Variants in FADS2 observed in about 807,000 individuals in gnomAD.
The protein encoded by FADS2 is acyl-CoA 6-desaturase.
In FADS2, 18 loss-of-function variants were observed where a neutral mutation model predicts 61.2. That is an observed-to-expected ratio of 0.29 (90% confidence interval 0.20 to 0.44). The LOEUF is 0.44. Ranked by LOEUF, FADS2 falls within the 20% of genes least tolerant of loss-of-function variation. The pLI is 1.00. For synonymous variants in FADS2, 203 were observed against 223.9 expected, an observed-to-expected ratio of 0.91 and a Z score of 0.83; for missense variants, 322 against 572.7, an observed-to-expected ratio of 0.56 and a Z score of 4.47.
intron 1 of FADS2, chr11:61,817,302 G>T: frequency 4.5e-6 from 1 of 221,166 alleles, no homozygotes; most frequent in Non-Finnish European, 8.8e-6. Flanking sequence ...GTCTCCAGAC[G>T]CTGACCCTCC....
At chr11:61,847,846 GA>G (rs1338097494) in intron 4 of FADS2, 10 of 350,526 alleles carry the variant, frequency 2.9e-5, no homozygotes, top group African/African-American at 2.1e-4. Flanking sequence ...TGGTGACGGA[GA>G]GGCAGAGACT....
At chr11:61,853,284 C>CT (rs1273968991) in intron 5 of FADS2, among the ~76,000 whole-genome samples, 8,822 of 105,220 alleles carry the variant, frequency 0.084, 563 homozygotes, top group East Asian at 0.36. Context: ...CCTTCCCTCC[C>CT]TCCCTCCCTT....
intron 1 of FADS2, among the ~76,000 whole-genome samples, chr11:61,820,625 C>T (rs1011921229): frequency 3.3e-5 from 5 of 152,022 alleles, no homozygotes; most frequent in South Asian, 2.1e-4. Context: ...ATTGGCCGGG[C>T]GTGGCAGCTC....
intron 1 of FADS2, among the ~76,000 whole-genome samples, chr11:61,819,260 A>C (rs1452901610): frequency 6.6e-6 from 1 of 152,276 alleles, no homozygotes; most frequent in Non-Finnish European, 1.5e-5. Context: ...TTAGGAATAT[A>C]GCCTAAGGAA....
intron 10 of FADS2, among the ~76,000 whole-genome samples, chr11:61,864,944 G>A (rs1016466933): frequency 6.6e-6 from 1 of 152,030 alleles, no homozygotes; most frequent in Non-Finnish European, 1.5e-5. Context: ...GAGCACAAAC[G>A]CCCTCCTGCT....
chr11:61,858,500 T>C (rs891853860), intron 7 of FADS2, among the ~76,000 whole-genome samples: 14 of 152,140 alleles, frequency 9.2e-5, no homozygotes, highest in African/African-American at 3.4e-4. Context: ...TTTCTTTTTT[T>C]CTTCACCAAA....
chr11:61,862,943 G>T (rs1271311871), intron 7 of FADS2, 29 bp from the exon 8 acceptor site: 3 of 1,591,210 alleles, frequency 1.9e-6, no homozygotes, highest in South Asian at 2.2e-5. Flanking sequence ...GAGAGGGCAG[G>T]TTGCACCTAA....
At chr11:61,820,812 A>ACTCTG in intron 1 of FADS2, among the ~76,000 whole-genome samples, 1 of 152,188 alleles carries the variant, frequency 6.6e-6, no homozygotes, top group South Asian at 2.1e-4. Flanking sequence ...AGGCAGGAGA[A>ACTCTG]TCGCTTGAAC....
intron 2 of FADS2, among the ~76,000 whole-genome samples, chr11:61,838,201 A>G (rs534595176): frequency 6.6e-6 from 1 of 152,290 alleles, no homozygotes; most frequent in South Asian, 2.1e-4. Flanking sequence ...GAAAAATGTC[A>G]TTTGATGACA....
chr11:61,848,597 A>G (rs78791707), intron 5 of FADS2: 23,988 of 312,202 alleles, frequency 0.077, 1,878 homozygotes, highest in African/African-American at 0.24. Flanking sequence ...CTGTAAATAC[A>G]GACACAGCTC....
At chr11:61,840,799 C>A in intron 4 of FADS2, 74 bp downstream of exon 4, 2 of 1,135,952 alleles carry the variant, frequency 1.8e-6, no homozygotes, top group Non-Finnish European at 2.7e-6. Context: ...TTCCTCTCTG[C>A]TCAGTGCTCT....
chr11:61,864,686 C>A (rs1320808842), intron 10 of FADS2, among the ~76,000 whole-genome samples: 1 of 152,032 alleles, frequency 6.6e-6, no homozygotes, highest in East Asian at 1.9e-4. Context: ...TGAGCCACTG[C>A]ACCTGGCCTA....
At chr11:61,855,305 C>T in intron 5 of FADS2, 1 of 152,454 alleles carries the variant, frequency 6.6e-6, no homozygotes, top group Non-Finnish European at 1.5e-5. Flanking sequence ...AAGGCTGGGG[C>T]TATGAGCCTG....
chr11:61,857,648 C>T, intron 7 of FADS2, 118 bp downstream of exon 7: 1 of 800,204 alleles, frequency 1.2e-6, no homozygotes, highest in Non-Finnish European at 2.2e-6. Flanking sequence ...CCCCAGGCAT[C>T]TCCTCCCTGG....
rs138882450 is a variant in FADS2 at position 61,819,610 on chromosome 11, C to T, written c.141+3184C>T. Among the ~76,000 whole-genome samples the T allele has an allele frequency of 6.3e-3, 958 of 152,186 alleles. 5 individuals carry two copies. The highest frequency in any genetic ancestry group is 0.031 in the Middle Eastern group (9 of 294). On this transcript the variant is annotated intron_variant, in intron 1 of 11. Transcript: ENST00000257261. ...TTCATTAAAGCAGTATCTATGATAG[C>T]GGGAAATGGAAACACTCTAAATGCC...
At chr11:61,845,030 CTTT>C (rs71046747) in intron 4 of FADS2, among the ~76,000 whole-genome samples, 30 of 44,140 alleles carry the variant, frequency 6.8e-4, no homozygotes, top group East Asian at 1.8e-3. Context: ...CAGAAGTGCA[CTTT>C]TTTTTTTTTT....
chr11:61,828,929 G>A lies in FADS2; in HGVS notation c.207+332G>A, dbSNP rs2067104952. ...GTCTGGAGGCAGGGACTCCCCAAGA[G>A]GGGCGCTCGGGCCAGACGGCTTTGG... On this transcript the variant is annotated intron_variant, in intron 1 of 11. Transcript: ENST00000278840. The surrounding 1 kb of genome is among the most constrained non-coding windows in gnomAD (Gnocchi z 6.4). 6.6e-6 allele frequency among the ~76,000 whole-genome samples: 1 copy of A among 152,242 alleles called. No individual in the cohort carries two copies. The highest frequency in any genetic ancestry group is 1.5e-5 in the Non-Finnish European group (1 of 68,042).
chr11:61,865,015 C>T lies in FADS2; in HGVS notation c.1158-137C>T. On this transcript the variant is annotated intron_variant, in intron 10 of 11. Coordinates refer to ENST00000278840, the MANE Select transcript of FADS2 (RefSeq NM_004265.4). This position sits in a 1 kb window ranked among gnomAD's most constrained non-coding sequence, Gnocchi z 4.1. ...CACCCCACTGGGCACACACGAGGAG[C>T]CACACTTTGAGACTGGTCCTGGCTG... The T allele has an allele frequency of 2.9e-6, 3 of 1,042,424 alleles. No individual in the cohort carries two copies. The highest frequency in any genetic ancestry group is 4.9e-5 in the East Asian group (2 of 40,836). The allele number at this position is 1,042,424 out of a possible 1,614,324, so 64.6% of individuals were successfully genotyped here.
intron 1 of FADS2, chr11:61,817,091 A>T (rs1413863375): frequency 8.0e-6 from 6 of 747,272 alleles, no homozygotes; most frequent in Non-Finnish European, 1.1e-5. Flanking sequence ...GTTGGCTCCC[A>T]GGGGGCGCCG....
Sources: allele counts gnomAD v4.1 joint callset (sites outside exome capture counted in the v4.1 genomes callset), GRCh38; gene constraint gnomAD v4.1.1; non-coding constraint Gnocchi (gnomAD v3.1); transcripts MANE v1.5; gene names NCBI Gene and HGNC (gene_info 2026-07-23, HGNC 2026-07-21).